DNAH11: variants seen among roughly 807,000 people sequenced by gnomAD.
DNAH11 encodes dynein axonemal heavy chain 11, also known as axonemal beta dynein heavy chain 11.
Under a neutral mutation model 526.0 loss-of-function variants are expected in DNAH11, and 442 were observed. The observed-to-expected ratio is 0.84, with a 90% confidence interval of 0.78 to 0.91. The LOEUF (loss-of-function observed/expected upper bound fraction) is 0.91. DNAH11 is among the 40% of genes least tolerant of loss of function. The probability of loss-of-function intolerance (pLI) is 0.00; values close to 1 mark genes in which losing one functional copy is unlikely to be tolerated. For missense variants in DNAH11, 6,989 were observed against 5,448.7 expected (o/e 1.28, Z -8.90); for synonymous variants, 2,461 against 1,935.9 (o/e 1.27, Z -7.12).
chr7:21,796,832 CAT>C (rs1156277174), intron 61 of DNAH11, among the ~76,000 whole-genome samples: 2 of 152,204 alleles, frequency 1.3e-5, no homozygotes. Flanking sequence ...TGCATTAACA[CAT>C]GTCAAATACT....
intron 30 of DNAH11, among the ~76,000 whole-genome samples, chr7:21,668,538 C>A (rs1309152181): frequency 6.6e-6 from 1 of 152,122 alleles, no homozygotes; most frequent in African/African-American, 2.4e-5. Flanking sequence ...TTATCTCTGA[C>A]CTGTGAGTCT....
intron 63 of DNAH11, among the ~76,000 whole-genome samples, chr7:21,809,680 C>A (rs972525992): frequency 6.6e-5 from 10 of 152,230 alleles, no homozygotes; most frequent in Admixed American, 3.9e-4. Context: ...TCTCCTGCCT[C>A]AGCCTCCCAA....
chr7:21,738,559 G>C (rs1312096136), intron 46 of DNAH11, 142 bp from the exon 47 acceptor site: 1 of 743,726 alleles, frequency 1.3e-6, no homozygotes, highest in East Asian at 2.9e-5. Context: ...GACACATCCC[G>C]GGTCTCTTAA....
intron 57 of DNAH11, among the ~76,000 whole-genome samples, chr7:21,783,938 T>C (rs1788065858): frequency 6.6e-6 from 1 of 152,210 alleles, no homozygotes; most frequent in African/African-American, 2.4e-5. Context: ...TAGAATATCT[T>C]CTAGCCAGTT....
intron 30 of DNAH11, among the ~76,000 whole-genome samples, 194 bp downstream of exon 30, chr7:21,659,225 A>G (rs1782146975): frequency 6.7e-6 from 1 of 149,918 alleles, no homozygotes; most frequent in Non-Finnish European, 1.5e-5. Flanking sequence ...TGGGTTTTTA[A>G]AAAGTACATC....
intron 25 of DNAH11, among the ~76,000 whole-genome samples, chr7:21,632,711 T>A (rs1377863085): frequency 6.6e-6 from 1 of 152,176 alleles, no homozygotes; most frequent in Admixed American, 6.5e-5. Flanking sequence ...ATTATCAGCA[T>A]TTGGGTCAAA....
chr7:21,805,252 A>T (rs181063592), intron 62 of DNAH11, among the ~76,000 whole-genome samples: 23 of 152,356 alleles, frequency 1.5e-4, no homozygotes, highest in Admixed American at 5.9e-4. Context: ...TATTGCATGA[A>T]CGTAGTTGTC....
At chr7:21,826,200 T>G (rs1452145055) in intron 65 of DNAH11, among the ~76,000 whole-genome samples, 1 of 152,226 alleles carries the variant, frequency 6.6e-6, no homozygotes, top group Non-Finnish European at 1.5e-5. Flanking sequence ...TGAATAAATT[T>G]TGATATTTTT....
At chr7:21,582,269 A>G (rs753750820) in intron 9 of DNAH11, among the ~76,000 whole-genome samples, 4 of 152,210 alleles carry the variant, frequency 2.6e-5, no homozygotes, top group Non-Finnish European at 5.9e-5. Flanking sequence ...AGCTCTCATT[A>G]TCTTCACAGC....
intron 30 of DNAH11, among the ~76,000 whole-genome samples, chr7:21,679,205 G>T (rs1320638586): frequency 6.6e-6 from 1 of 152,048 alleles, no homozygotes; most frequent in Non-Finnish European, 1.5e-5. Flanking sequence ...CTAACACATA[G>T]TAACGGTACA....
intron 39 of DNAH11, among the ~76,000 whole-genome samples, chr7:21,706,717 C>G (rs1335770586): frequency 1.3e-5 from 2 of 152,144 alleles, no homozygotes; most frequent in African/African-American, 4.8e-5. Context: ...ACCCGAGATA[C>G]CCGGAACACT....
At chr7:21,635,247 C>G (rs796937027) in intron 25 of DNAH11, among the ~76,000 whole-genome samples, 11 of 152,292 alleles carry the variant, frequency 7.2e-5, no homozygotes, top group African/African-American at 2.4e-4. Flanking sequence ...AGCTCCGCCT[C>G]CCGGGTTCAC....
intron 2 of DNAH11, among the ~76,000 whole-genome samples, chr7:21,556,605 A>T (rs1783226044): frequency 1.3e-5 from 2 of 152,172 alleles, no homozygotes; most frequent in Non-Finnish European, 2.9e-5. Flanking sequence ...AGTTTGGTAT[A>T]CAGAGAGTTT....
At chr7:21,652,868 ATATT>A (rs904822579) in intron 28 of DNAH11, among the ~76,000 whole-genome samples, 3 of 151,828 alleles carry the variant, frequency 2.0e-5, no homozygotes, top group East Asian at 1.9e-4. Context: ...GTTTTTTTTA[ATATT>A]TATTTATTTA....
chr7:21,786,065 G>A (rs10239913), intron 58 of DNAH11, among the ~76,000 whole-genome samples: 107,656 of 152,104 alleles, frequency 0.71, 38,880 homozygotes, highest in Non-Finnish European at 0.77. Flanking sequence ...GGATTAATCA[G>A]TGGCATCACC....
At chr7:21,618,124 C>A (rs182092556) in intron 23 of DNAH11, 4 of 165,684 alleles carry the variant, frequency 2.4e-5, no homozygotes, top group African/African-American at 4.7e-5. Context: ...ACAGACCTAG[C>A]TCCCTGGCTC....
At chr7:21,688,562 C>T (rs181837870) in intron 34 of DNAH11, among the ~76,000 whole-genome samples, 25 of 152,278 alleles carry the variant, frequency 1.6e-4, no homozygotes, top group Admixed American at 1.6e-3. Flanking sequence ...CTGGACTGAC[C>T]TAAACAACTG....
In DNAH11 at chr7:21,687,120, A is replaced by T. The variant is rs1477174216; in HGVS notation, c.5643A>T (p.Gln1881His). 1 of 1,613,318 alleles carries T rather than the reference A, an allele frequency of 6.2e-7. No homozygotes were observed. The highest frequency in any genetic ancestry group is 8.5e-7 in the Non-Finnish European group (1 of 1,179,664). ...AAAGGTGTTATATTACCTTAACTCA[A>T]TCACTTCATCTAACCATGAGTGGGG... ...LTDRCYITLT[Q>H]SLHLTMSGAP... The change falls in exon 33 of 82, where the codon CAA (glutamine) becomes CAT (histidine). Residue 1881 changes from glutamine (Q) to histidine (H), a missense_variant. Physicochemically the swap from Gln to His is conservative, Grantham distance 24. Coordinates refer to ENST00000409508, the MANE Select transcript of DNAH11 (RefSeq NM_001277115.2).
In DNAH11 at chr7:21,707,834, A is replaced by G; in HGVS notation, c.6682A>G (p.Lys2228Glu). The change falls in exon 40 of 82, where the codon AAG becomes GAG. Residue 2228 changes from lysine (K) to glutamate (E), a missense_variant and splice_region_variant. Physicochemically the swap from Lys to Glu is moderately conservative, Grantham distance 56 (BLOSUM62 1). Coordinates refer to ENST00000409508, the MANE Select transcript of DNAH11 (RefSeq NM_001277115.2). The stretch of plus-strand genomic sequence containing the variant: ...TGCTACCCGAGAATGGAAAGATGGC[A>G]AGTAGTATTTCCCCTTTAGAAGTGC... Reference protein sequence around the residue: ...HHATREWKDGKIVYSYFIGLF... With the variant: ...HHATREWKDGEIVYSYFIGLF... The G allele has an allele frequency of 6.3e-7, 1 of 1,595,416 alleles. No individual in the cohort carries two copies. The highest frequency in any genetic ancestry group is 8.5e-7 in the Non-Finnish European group (1 of 1,172,058).
Sources: allele counts gnomAD v4.1 joint callset (sites outside exome capture counted in the v4.1 genomes callset), GRCh38; gene constraint gnomAD v4.1.1; transcripts MANE v1.5; gene names NCBI Gene and HGNC (gene_info 2026-07-23, HGNC 2026-07-21).